TULP4: variants seen among roughly 807,000 people sequenced by gnomAD.
TULP4 encodes the protein tubby-related protein 4.
A neutral mutation model predicts 129.0 loss-of-function variants in TULP4; 16 were observed. The ratio of observed to expected loss-of-function variants is 0.12; its 90% CI spans 0.08 to 0.19. The LOEUF (loss-of-function observed/expected upper bound fraction) is 0.19. Among genes scored for constraint, TULP4 ranks in the 10% least tolerant of loss-of-function variants. TULP4 has a pLI of 1.00. For missense variants in TULP4, 1,842 were observed against 2,059.1 expected (o/e 0.89, Z 2.04); for synonymous variants, 998 against 854.0 (o/e 1.17, Z -2.94).
chr6:158,303,907 C>T lies in TULP4; in HGVS notation n.117-8144C>T, dbSNP rs75557106. ...CTCCAGTCTCTAACGTTAATTCAAA[C>T]GGTTTAGAAAACAAAACAAACCAAA... On this transcript the variant is annotated intron_variant and non_coding_transcript_variant, in intron 1 of 1. Coordinates refer to the TULP4 transcript ENST00000432358. Among the ~76,000 whole-genome samples, 1,282 of 152,252 alleles carry T rather than the reference C, an allele frequency of 8.4e-3. 11 individuals are homozygous for T. Among genetic ancestry groups the T allele is most frequent in the Non-Finnish European group, 0.01 (710 of 68,022 alleles).
chr6:158,371,164 G>GA (rs563077527), intron 1 of TULP4, among the ~76,000 whole-genome samples: 1 of 152,130 alleles, frequency 6.6e-6, no homozygotes, highest in Non-Finnish European at 1.5e-5. Context: ...AGCACATGAG[G>GA]AAAAAAATAT....
rs35174996 is a variant in TULP4, at chr6:158,313,879, AT to A, written c.-136del. On this transcript the variant is annotated 5_prime_UTR_variant, in exon 1 of 14. Transcript: ENST00000367097. ...TATAAAATACTGACCTTCTAATTAG[AT>A]TCAGGTCAGTCTTAATTAAAGGGGG... 5 of 910,474 alleles carry A rather than the reference AT, an allele frequency of 5.5e-6. No individual in the cohort carries two copies. The highest frequency in any genetic ancestry group is 8.1e-6 in the Non-Finnish European group (5 of 618,852). 56.4% of individuals were successfully genotyped at this position (910,474 alleles called of 1,614,324 possible). A position where few individuals can be genotyped will look rare whatever the true frequency, so the allele number is the denominator to read the frequency against.
At chr6:158,443,183 C>T (rs543988462) in intron 3 of TULP4, among the ~76,000 whole-genome samples, 39 of 152,218 alleles carry the variant, frequency 2.6e-4, no homozygotes, top group South Asian at 4.1e-4. Context: ...TGGTTTTCAC[C>T]GTGTTGGTCA....
chr6:158,264,098 GA>G (rs1221982667), intron 1 of TULP4, among the ~76,000 whole-genome samples: 4 of 152,024 alleles, frequency 2.6e-5, no homozygotes, highest in African/African-American at 7.2e-5. Context: ...CCAGAATAAA[GA>G]AAAAACTTAA....
intron 1 of TULP4, among the ~76,000 whole-genome samples, chr6:158,300,025 G>A (rs1268348635): frequency 1.3e-5 from 2 of 152,190 alleles, no homozygotes; most frequent in South Asian, 4.1e-4. Flanking sequence ...GGTCTCTGTT[G>A]CCATTAGGGA....
rs78304343 is a variant in TULP4, at chr6:158,365,673, A to G, written c.253-47392A>G. Among the ~76,000 whole-genome samples the G allele has an allele frequency of 5.0e-3, 759 of 151,256 alleles. 11 individuals are homozygous for G. The highest frequency in any genetic ancestry group is 0.041 in the East Asian group (208 of 5,088). On this transcript the variant is annotated intron_variant, in intron 1 of 13. Coordinates refer to ENST00000367097, the MANE Select transcript of TULP4 (RefSeq NM_020245.5). ...TTGTTAGTAGAGAGGGGGTTTCACC[A>G]TGTTAGCCAATAGGGTCTCGATCTC...
chr6:158,502,585 T>C lies in TULP4; in HGVS notation c.2922T>C (p.Ala974=). The C allele has an allele frequency of 5.0e-6, 8 of 1,602,800 alleles. No homozygotes were observed. Among genetic ancestry groups the C allele is most frequent in the Non-Finnish European group, 5.9e-6 (7 of 1,179,824 alleles). ...GCCAGCTGGCCCAGGGGCGGGGGGC[T>C]GCCCAGAGGTCCGACAATAGCCTCA... ...IASQLAQGRG[A]AQRSDNSLIH... Residue 974 remains alanine, a synonymous_variant, in exon 13 of 14, where the codon GCT becomes GCC. Transcript: ENST00000367097.
At chr6:158,291,391 G>C (rs955435757) in intron 1 of TULP4, among the ~76,000 whole-genome samples, 1 of 152,190 alleles carries the variant, frequency 6.6e-6, no homozygotes, top group African/African-American at 2.4e-5. Context: ...CAGTGCCGCT[G>C]TTGAGATGTC....
intron 1 of TULP4, chr6:158,237,259 C>A: frequency 9.8e-7 from 1 of 1,023,504 alleles, no homozygotes; most frequent in Non-Finnish European, 1.5e-6. Context: ...TTCTGTGCTT[C>A]TTGCTGTATT....
intron 1 of TULP4, among the ~76,000 whole-genome samples, chr6:158,270,044 A>G (rs1583691933): frequency 6.6e-6 from 1 of 152,236 alleles, no homozygotes; most frequent in Admixed American, 6.5e-5. Flanking sequence ...TAAGTGTCAA[A>G]TGTACAGCAT....
At position 158,385,524 on chromosome 6, in the gene TULP4, T is replaced by G. The variant is rs138579239; in HGVS notation, c.253-27541T>G. Among the ~76,000 whole-genome samples, 823 of 152,208 alleles carry G rather than the reference T, an allele frequency of 5.4e-3. 5 individuals carry two copies. Among genetic ancestry groups the G allele is most frequent in the African/African-American group, 0.019 (776 of 41,540 alleles). On this transcript the variant is annotated intron_variant, in intron 1 of 13. Coordinates refer to ENST00000367097, the MANE Select transcript of TULP4 (RefSeq NM_020245.5). ...TCAGGCTACTCTTTGAACCTCAGAT[T>G]CTTCGGTGAAGTGGTGATACTATCT...
chr6:158,367,675 C>G (rs1776952641), intron 1 of TULP4, among the ~76,000 whole-genome samples: 1 of 152,066 alleles, frequency 6.6e-6, no homozygotes, highest in South Asian at 2.1e-4. Context: ...AGTAGAAATT[C>G]TGAGGAAGAA....
In TULP4 at chr6:158,504,034, G is replaced by T. The variant is rs574754942; in HGVS notation, c.4371G>T (p.Arg1457=). 2.5e-5 allele frequency: 40 copies of T among 1,610,596 alleles called. No individual in the cohort carries two copies. Among genetic ancestry groups the T allele is most frequent in the South Asian group, 2.3e-4 (21 of 90,734 alleles). Residue 1457 remains arginine (R), a synonymous_variant, in exon 13 of 14, where the codon CGG becomes CGT. Transcript: ENST00000367097. ...GGGCCAGTGAGAAGGAGGACGGGCG[G>T]CTGGGCAGCCAAGGCTTCGTGTACG... The part of the protein sequence containing the change: ...CRRASEKEDG[R]LGSQGFVYVM...
chr6:158,440,078 C>A (rs946412893), intron 3 of TULP4, among the ~76,000 whole-genome samples: 2 of 151,714 alleles, frequency 1.3e-5, no homozygotes, highest in Non-Finnish European at 1.5e-5. Flanking sequence ...CTAATTCCAG[C>A]ACTTTGGGAG....
Position 158,237,549 on chromosome 6 carries a change from C to A in TULP4, n.68+5246C>A. The A allele has an allele frequency of 5.1e-6, 8 of 1,555,068 alleles. 1 individual carries two copies. In the South Asian group the frequency reaches 9.1e-5, roughly 18 times the overall value. ...AAGCTCCTGCAGTTGCTCCCTGGGTCCCTTTTCCCATCTGATCCTTCTTTT... is the reference window on the plus strand; with the variant it reads ...AAGCTCCTGCAGTTGCTCCCTGGGTACCTTTTCCCATCTGATCCTTCTTTT... On this transcript the variant is annotated intron_variant and non_coding_transcript_variant, in intron 1 of 1. Coordinates refer to the TULP4 transcript ENST00000620026.
intron 6 of TULP4, among the ~76,000 whole-genome samples, chr6:158,471,844 A>G (rs1294683424): frequency 6.6e-6 from 1 of 152,120 alleles, no homozygotes; most frequent in Non-Finnish European, 1.5e-5. Context: ...GCTTTCTTTC[A>G]TCTTTCTGTT....
intron 1 of TULP4, among the ~76,000 whole-genome samples, chr6:158,249,895 G>A (rs996674547): frequency 6.6e-6 from 1 of 152,218 alleles, no homozygotes; most frequent in South Asian, 2.1e-4. Context: ...ATGATAGTGA[G>A]AATTGTATTT....
At chr6:158,266,863 A>T (rs1176314555) in intron 1 of TULP4, among the ~76,000 whole-genome samples, 3 of 152,192 alleles carry the variant, frequency 2.0e-5, no homozygotes, top group Non-Finnish European at 4.4e-5. Flanking sequence ...ATTCAGTGGC[A>T]TTAAGTACGT....
chr6:158,304,856 G>A (rs1014315144), intron 1 of TULP4, among the ~76,000 whole-genome samples: 8 of 151,616 alleles, frequency 5.3e-5, no homozygotes, highest in Admixed American at 1.3e-4. Context: ...TTGTAACGAC[G>A]GGGTCTTGCT....
Sources: gnomAD v4.1 joint callset for allele counts (sites outside exome capture counted in the v4.1 genomes callset) on GRCh38, gnomAD v4.1.1 for gene constraint, MANE v1.5 for transcripts, NCBI Gene and HGNC (gene_info 2026-07-23, HGNC 2026-07-21) for gene names.